The following ARHGEF4 variants were observed in gnomAD, a reference collection of about 807,000 sequenced individuals.
The protein encoded by ARHGEF4 is Rho guanine nucleotide exchange factor 4, also known as APC-stimulated guanine nucleotide exchange factor 1.
Under a neutral mutation model 162.0 loss-of-function variants are expected in ARHGEF4, and 119 were observed. The observed-to-expected ratio is 0.73, with a 90% CI of 0.63 to 0.86. The LOEUF is 0.86. ARHGEF4 is among the 40% of genes least tolerant of loss of function. The probability of loss-of-function intolerance (pLI) is 0.00; values close to 1 mark genes in which losing one functional copy is unlikely to be tolerated. For missense variants in ARHGEF4, 2,488 were observed against 2,456.0 expected (o/e 1.01, Z -0.28); for synonymous variants, 1,014 against 979.9 (o/e 1.03, Z -0.65).
At chr2:130,904,767 G>A (rs1361246748) in intron 1 of ARHGEF4, among the ~76,000 whole-genome samples, 1 of 127,686 alleles carries the variant, frequency 7.8e-6, no homozygotes. Context: ...TAGAGGAGAG[G>A]AACAATTTTC....
chr2:131,023,087 A>AAAAAAAAAAAG, intron 4 of ARHGEF4, among the ~76,000 whole-genome samples: 1 of 150,158 alleles, frequency 6.7e-6, no homozygotes, highest in African/African-American at 2.4e-5. Context: ...AAAAAAAAAA[A>AAAAAAAAAAAG]AAAAAAAAGA....
intron 4 of ARHGEF4, among the ~76,000 whole-genome samples, chr2:131,008,095 G>A (rs1028233083): frequency 2.0e-5 from 3 of 152,128 alleles, no homozygotes; most frequent in African/African-American, 7.2e-5. Context: ...TTACACGCAT[G>A]AGCCACCACA....
intron 1 of ARHGEF4, among the ~76,000 whole-genome samples, chr2:130,909,983 CAG>C (rs1429703992): frequency 6.6e-6 from 1 of 151,904 alleles, no homozygotes; most frequent in Non-Finnish European, 1.5e-5. Flanking sequence ...GGTAGAACCC[CAG>C]AGAGAGCAGT....
chr2:130,926,339 GA>G (rs1260536089), intron 2 of ARHGEF4, among the ~76,000 whole-genome samples: 1 of 151,182 alleles, frequency 6.6e-6, no homozygotes, highest in Admixed American at 6.6e-5. Context: ...GCATTTTTAT[GA>G]TGGCTGCTTT....
intron 1 of ARHGEF4, among the ~76,000 whole-genome samples, chr2:130,907,257 G>GCTA (rs372661698): frequency 7.3e-6 from 1 of 136,780 alleles, no homozygotes; most frequent in African/African-American, 2.7e-5. Context: ...CTGGAGACTG[G>GCTA]AGGCTGGAGT....
At position 130,914,747 on chromosome 2, in the gene ARHGEF4, C is replaced by T. The variant is rs1331879210; in HGVS notation, c.801C>T (p.Thr267=). 19 of 1,422,612 alleles carry T rather than the reference C, an allele frequency of 1.3e-5. No homozygotes were observed. The highest frequency in any genetic ancestry group is 1.7e-5 in the Non-Finnish European group (19 of 1,094,216). The allele number at this position is 1,422,612 out of a possible 1,614,324, so 88.1% of individuals were successfully genotyped here. A position where few individuals can be genotyped will look rare whatever the true frequency, so the allele number is the denominator to read the frequency against. ...GPLDNTAPLG[T]RTKKESTLGP... ...TGGACAACACAGCCCCTCTGGGGACCAGGACAAAGAAGGAAAGTACTCTAG... is the reference window on the plus strand; with the variant it reads ...TGGACAACACAGCCCCTCTGGGGACTAGGACAAAGAAGGAAAGTACTCTAG... The change falls in exon 2 of 14, where the codon ACC becomes ACT. Residue 267 remains threonine, a synonymous_variant. Coordinates refer to ENST00000409359, the MANE Select transcript of ARHGEF4 (RefSeq NM_001367493.1).
chr2:130,919,600 G>A (rs2105067786), intron 2 of ARHGEF4, among the ~76,000 whole-genome samples: 1 of 152,350 alleles, frequency 6.6e-6, no homozygotes, highest in East Asian at 1.9e-4. Context: ...TATAGGCCAT[G>A]CGTGGTGGTT....
At chr2:130,878,847 T>C (rs1234475776) in intron 1 of ARHGEF4, among the ~76,000 whole-genome samples, 1 of 152,200 alleles carries the variant, frequency 6.6e-6, no homozygotes, top group Non-Finnish European at 1.5e-5. Flanking sequence ...TGTAATGTAT[T>C]GTGTTCACAA....
Position 130,901,288 on chromosome 2 carries a change from T to G in ARHGEF4, c.40-12698T>G, listed in dbSNP as rs139590978. On this transcript the variant is annotated intron_variant, in intron 1 of 13. Coordinates refer to ENST00000409359, the MANE Select transcript of ARHGEF4 (RefSeq NM_001367493.1). ...TAGCCTGAGCCTGGCAGGTGGGCGTTGGCTTGCCTGAGTTGTACTCTGAGC... is the reference window on the plus strand; with the variant it reads ...TAGCCTGAGCCTGGCAGGTGGGCGTGGGCTTGCCTGAGTTGTACTCTGAGC... Among the ~76,000 whole-genome samples the G allele has an allele frequency of 3.0e-3, 453 of 152,228 alleles. 8 individuals are homozygous for G. Among genetic ancestry groups the G allele is most frequent in the African/African-American group, 0.01 (419 of 41,538 alleles).
intron 4 of ARHGEF4, among the ~76,000 whole-genome samples, chr2:131,001,159 C>T (rs116591665): frequency 1.2e-4 from 18 of 151,754 alleles, no homozygotes; most frequent in Non-Finnish European, 2.1e-4. Flanking sequence ...AAACTTTAGC[C>T]GGGCGTGGCA....
chr2:130,883,721 G>C (rs541761896), intron 1 of ARHGEF4, among the ~76,000 whole-genome samples: 12 of 152,062 alleles, frequency 7.9e-5, no homozygotes, highest in Non-Finnish European at 1.5e-5. Flanking sequence ...TGGCACGTGG[G>C]TTGAGTGCCC....
chr2:130,891,171 G>A (rs960447688), intron 1 of ARHGEF4, among the ~76,000 whole-genome samples: 1 of 152,126 alleles, frequency 6.6e-6, no homozygotes, highest in African/African-American at 2.4e-5. Context: ...TCGAGGGCAG[G>A]GGCTGTCTCT....
At chr2:130,892,856 C>T (rs1245805149) in intron 1 of ARHGEF4, among the ~76,000 whole-genome samples, 1 of 152,220 alleles carries the variant, frequency 6.6e-6, no homozygotes, top group African/African-American at 2.4e-5. Context: ...GGCACCCCTC[C>T]AGCAGCCACT....
At chr2:130,895,497 C>T (rs1680101268) in intron 1 of ARHGEF4, among the ~76,000 whole-genome samples, 1 of 152,154 alleles carries the variant, frequency 6.6e-6, no homozygotes, top group Non-Finnish European at 1.5e-5. Context: ...GTGCAGGGCT[C>T]CAGTCACTCT....
intron 4 of ARHGEF4, among the ~76,000 whole-genome samples, chr2:130,982,086 T>C (rs1686158725): frequency 6.6e-6 from 1 of 152,008 alleles, no homozygotes. Flanking sequence ...GCAACCTCCA[T>C]CTCCTGGGTT....
chr2:130,995,550 A>G (rs1378777095), intron 4 of ARHGEF4, among the ~76,000 whole-genome samples: 2 of 152,156 alleles, frequency 1.3e-5, no homozygotes. Flanking sequence ...GTGCCTGGTT[A>G]TATTTTATTT....
chr2:130,917,195 C>G lies in ARHGEF4; in HGVS notation c.3249C>G (p.Pro1083=). The change falls in exon 2 of 14, where the codon CCC becomes CCG. Residue 1083 remains proline, a synonymous_variant. Coordinates refer to ENST00000409359, the MANE Select transcript of ARHGEF4 (RefSeq NM_001367493.1). Reference sequence around the variant, plus strand: ...CCTGCTGCCTGGCATATGAAAACCCCGGGACGCCCTGCAGACCCACGAGCC... The same window carrying G: ...CCTGCTGCCTGGCATATGAAAACCCGGGGACGCCCTGCAGACCCACGAGCC... The part of the protein sequence containing the change: ...SSACCLAYEN[P]GTPCRPTSPK... The G allele has an allele frequency of 6.4e-7, 1 of 1,550,490 alleles. No individual in the cohort carries two copies. The highest frequency in any genetic ancestry group is 1.2e-5 in the South Asian group (1 of 84,048).
At chr2:131,044,219 C>T (rs1656536495) in intron 11 of ARHGEF4, 80 bp from the exon 12 acceptor site, 1 of 1,562,492 alleles carries the variant, frequency 6.4e-7, no homozygotes, top group Non-Finnish European at 8.7e-7. Context: ...CCTCCTATGG[C>T]TGGGGAGAGG....
chr2:130,974,635 T>G (rs1685582019), intron 4 of ARHGEF4, among the ~76,000 whole-genome samples: 1 of 111,858 alleles, frequency 8.9e-6, no homozygotes, highest in South Asian at 2.7e-4. Context: ...TTTTTTTTTG[T>G]ATTTTTTGTA....
Sources: gnomAD v4.1 joint callset for allele counts (sites outside exome capture counted in the v4.1 genomes callset) on GRCh38, gnomAD v4.1.1 for gene constraint, MANE v1.5 for transcripts, NCBI Gene and HGNC (gene_info 2026-07-23, HGNC 2026-07-21) for gene names.